OSBPL3: variants seen among roughly 807,000 people sequenced by gnomAD.
OSBPL3 encodes the protein oxysterol-binding protein-related protein 3.
A neutral mutation model predicts 120.1 loss-of-function variants in OSBPL3; 65 were observed. The observed-to-expected ratio is 0.54, with a 90% CI of 0.44 to 0.67. OSBPL3 has a LOEUF of 0.67. OSBPL3 is among the 30% of genes least tolerant of loss of function. OSBPL3 has a pLI of 0.00. For missense variants in OSBPL3, 1,004 were observed against 1,082.1 expected (o/e 0.93, Z 1.01); for synonymous variants, 416 against 402.6 (o/e 1.03, Z -0.40).
At chr7:24,861,506 G>T in intron 10 of OSBPL3, 107 bp downstream of exon 10, 1 of 669,948 alleles carries the variant, frequency 1.5e-6, no homozygotes, top group Non-Finnish European at 2.4e-6. Context: ...AATCTTAATA[G>T]AGCAGAAAAT....
chr7:24,916,393 CT>C lies in OSBPL3; in HGVS notation c.-149-23773del, dbSNP rs1440669383. Among the ~76,000 whole-genome samples, 5 of 151,958 alleles carry C rather than the reference CT, an allele frequency of 3.3e-5. No homozygotes were observed. The highest frequency in any genetic ancestry group is 5.9e-5 in the Non-Finnish European group (4 of 67,982). ...TAACATTTGTTATCTTCCGCTTGAG[CT>C]TTTTTGGGTAATATTTTACTTTCTC... On this transcript the variant is annotated intron_variant, in intron 1 of 22. Transcript: ENST00000313367. This position sits in a 1 kb window ranked among gnomAD's most constrained non-coding sequence, Gnocchi z 4.9.
chr7:24,928,332 T>C (rs547694422), intron 1 of OSBPL3, among the ~76,000 whole-genome samples: 54 of 151,970 alleles, frequency 3.6e-4, no homozygotes, highest in South Asian at 2.3e-3. Context: ...GCTGGGACTA[T>C]AGGCGCCCGC....
In OSBPL3 at chr7:24,819,008, A is replaced by C. The variant is rs1794797232; in HGVS notation, c.1948+1167T>G. Among the ~76,000 whole-genome samples, 1 of 152,156 alleles carries C rather than the reference A, an allele frequency of 6.6e-6. No homozygotes were observed. Among genetic ancestry groups the C allele is most frequent in the Admixed American group, 6.5e-5 (1 of 15,272 alleles). On this transcript the variant is annotated intron_variant, in intron 17 of 22. Coordinates refer to ENST00000313367, the MANE Select transcript of OSBPL3 (RefSeq NM_015550.4). This position sits in a 1 kb window ranked among gnomAD's most constrained non-coding sequence, Gnocchi z 4.1. ...AGTGGCTCATGCCTGTAATCCCAGC[A>C]TTTTGGGAGGCCGAGGCAGGCGGAT...
chr7:24,887,601 G>A (rs956474162), intron 2 of OSBPL3, among the ~76,000 whole-genome samples: 1 of 152,178 alleles, frequency 6.6e-6, no homozygotes. Context: ...GGAGAACTGA[G>A]ACAACCTACA....
At chr7:24,917,818 T>C (rs376979162) in intron 1 of OSBPL3, 1 of 152,142 alleles carries the variant, frequency 6.6e-6, no homozygotes, top group Admixed American at 6.6e-5. Context: ...ATGTAACATA[T>C]GTTGGCACAT....
chr7:24,832,237 C>G (rs1796465106), intron 15 of OSBPL3, among the ~76,000 whole-genome samples: 1 of 142,438 alleles, frequency 7.0e-6, no homozygotes, highest in Non-Finnish European at 1.5e-5. Context: ...AAGGGCCAGG[C>G]ACGGTAGCTC....
At chr7:24,893,750 G>C (rs907500088) in intron 1 of OSBPL3, among the ~76,000 whole-genome samples, 2 of 151,676 alleles carry the variant, frequency 1.3e-5, no homozygotes, top group Non-Finnish European at 2.9e-5. Flanking sequence ...CGGCGGGGCG[G>C]GGGGGACGGG....
Position 24,820,331 on chromosome 7 carries a change from C to T in OSBPL3, c.1885-93G>A, listed in dbSNP as rs1232055949. On this transcript the variant is annotated intron_variant, in intron 16 of 22. Coordinates refer to ENST00000313367, the MANE Select transcript of OSBPL3 (RefSeq NM_015550.4). This position sits in a 1 kb window ranked among gnomAD's most constrained non-coding sequence, Gnocchi z 4.6. Reference sequence around the variant, plus strand: ...TCTCCCCTGCACTGAGATGTAACAGCGTGCAATGCTGAACTGAAGGAAAAA... The same window carrying T: ...TCTCCCCTGCACTGAGATGTAACAGTGTGCAATGCTGAACTGAAGGAAAAA... 11 of 920,934 alleles carry T rather than the reference C, an allele frequency of 1.2e-5. No homozygotes were observed. Among genetic ancestry groups the T allele is most frequent in the African/African-American group, 3.3e-5 (2 of 60,270 alleles). The allele number at this position is 920,934 out of a possible 1,614,324, so 57.0% of individuals were successfully genotyped here.
Position 24,933,357 on chromosome 7 carries a change from C to G in OSBPL3, c.-149-40736G>C, listed in dbSNP as rs1175686317. ...CCATGAAGGTAAAAAGCAACCTTGC[C>G]AACATACACCCTTTAGAACATTTTC... On this transcript the variant is annotated intron_variant, in intron 1 of 22. Coordinates refer to ENST00000313367, the MANE Select transcript of OSBPL3 (RefSeq NM_015550.4). The surrounding 1 kb of genome is among the most constrained non-coding windows in gnomAD (Gnocchi z 5.1). 6.6e-6 allele frequency among the ~76,000 whole-genome samples: 1 copy of G among 152,098 alleles called. No homozygotes were observed. Among genetic ancestry groups the G allele is most frequent in the Non-Finnish European group, 1.5e-5 (1 of 68,012 alleles).
Position 24,804,565 on chromosome 7 carries a change from C to A in OSBPL3, c.2445-128G>T. ...CTCTCCTATACGTAAGACCCCGCCC[C>A]AACCGTTTAATCCGTATCTTGAAGT... On this transcript the variant is annotated intron_variant, in intron 21 of 22. Coordinates refer to ENST00000313367, the MANE Select transcript of OSBPL3 (RefSeq NM_015550.4). This position sits in a 1 kb window ranked among gnomAD's most constrained non-coding sequence, Gnocchi z 5.4. The A allele has an allele frequency of 1.3e-6, 1 of 770,764 alleles. No homozygotes were observed. The allele number at this position is 770,764 out of a possible 1,614,324, so 47.7% of individuals were successfully genotyped here.
rs1381641747 is a variant in OSBPL3, at chr7:24,940,289, CAGA to C, written c.-150+39594_-150+39596del. Among the ~76,000 whole-genome samples the C allele has an allele frequency of 1.3e-5, 2 of 152,092 alleles. No homozygotes were observed. The highest frequency in any genetic ancestry group is 4.8e-5 in the African/African-American group (2 of 41,392). On this transcript the variant is annotated intron_variant, in intron 1 of 22. Transcript: ENST00000313367. The surrounding 1 kb of genome is among the most constrained non-coding windows in gnomAD (Gnocchi z 4.4). Reference sequence around the variant, plus strand: ...CAGAGTGGTAAACTGAGTACAAAGACAGAAGAAGTGGACTGTTGTGTTGAAACA... The same window carrying C: ...CAGAGTGGTAAACTGAGTACAAAGACAGAAGTGGACTGTTGTGTTGAAACA...
chr7:24,842,147 C>T (rs1337981616), intron 13 of OSBPL3, 132 bp downstream of exon 13: 3 of 904,302 alleles, frequency 3.3e-6, no homozygotes, highest in African/African-American at 3.4e-5. Flanking sequence ...TATGGGAGAA[C>T]TCTCAGAACA....
chr7:24,816,349 G>A (rs1476437740), intron 18 of OSBPL3, among the ~76,000 whole-genome samples: 1 of 152,124 alleles, frequency 6.6e-6, no homozygotes, highest in East Asian at 1.9e-4. Context: ...TCTTAATCTT[G>A]TTAGGAAGTG....
rs530090971 is a variant in OSBPL3, at chr7:24,803,758, G to A, written c.2567+557C>T. Among the ~76,000 whole-genome samples the A allele has an allele frequency of 4.0e-5, 6 of 151,752 alleles. No individual in the cohort carries two copies. The highest frequency in any genetic ancestry group is 3.9e-4 in the East Asian group (2 of 5,170). On this transcript the variant is annotated intron_variant, in intron 22 of 22. Transcript: ENST00000313367. The surrounding 1 kb of genome is among the most constrained non-coding windows in gnomAD (Gnocchi z 4.2). Reference sequence around the variant, plus strand: ...TGCACTCCAGCCTGGGTGACAGAGCGAGACTCTGTATCAGAAAAAAAAAAA... The same window carrying A: ...TGCACTCCAGCCTGGGTGACAGAGCAAGACTCTGTATCAGAAAAAAAAAAA...
In OSBPL3 at chr7:24,834,315, T is replaced by A. The variant is rs767536586; in HGVS notation, c.1746+171A>T. ...CGTCTCCAAATCCTCACAAGGTGAC[T>A]GGAAACAGCCAGGCGGAGGAAGCCA... On this transcript the variant is annotated intron_variant, in intron 15 of 22. Transcript: ENST00000313367. The surrounding 1 kb of genome is among the most constrained non-coding windows in gnomAD (Gnocchi z 5.2). The A allele has an allele frequency of 2.7e-6, 4 of 1,457,378 alleles. No individual in the cohort carries two copies. The allele number at this position is 1,457,378 out of a possible 1,614,324, so 90.3% of individuals were successfully genotyped here. A position where few individuals can be genotyped will look rare whatever the true frequency, so the allele number is the denominator to read the frequency against.
Position 24,964,058 on chromosome 7 carries a change from AAATT to A in OSBPL3, c.-150+15824_-150+15827del, listed in dbSNP as rs1816102487. On this transcript the variant is annotated intron_variant, in intron 1 of 22. Coordinates refer to ENST00000313367, the MANE Select transcript of OSBPL3 (RefSeq NM_015550.4). This position sits in a 1 kb window ranked among gnomAD's most constrained non-coding sequence, Gnocchi z 4.2. Reference sequence around the variant, plus strand: ...TTCAGAAACAAAATAAAGTACTACTAAATTATAATCCAAAGTATATAATAAATAT... The same window carrying A: ...TTCAGAAACAAAATAAAGTACTACTAATAATCCAAAGTATATAATAAATAT... Among the ~76,000 whole-genome samples, 2 of 152,254 alleles carry A rather than the reference AAATT, an allele frequency of 1.3e-5. No individual in the cohort carries two copies. Among genetic ancestry groups the A allele is most frequent in the African/African-American group, 4.8e-5 (2 of 41,474 alleles).
chr7:24,797,460 A>C lies in OSBPL3; in HGVS notation c.*2723T>G, dbSNP rs989574574. The C allele has an allele frequency of 1.3e-5, 2 of 152,114 alleles. No individual in the cohort carries two copies. Among genetic ancestry groups the C allele is most frequent in the African/African-American group, 4.8e-5 (2 of 41,406 alleles). The allele number at this position is 152,114 out of a possible 1,614,324, so 9.4% of individuals were successfully genotyped here. On this transcript the variant is annotated 3_prime_UTR_variant, in exon 23 of 23. Transcript: ENST00000313367. This position sits in a 1 kb window ranked among gnomAD's most constrained non-coding sequence, Gnocchi z 4.8. ...GAATCCACCTGGCTTGTAGGAGAGGAACTACATGGAGAAGCTGCATTGAGG... is the reference window on the plus strand; with the variant it reads ...GAATCCACCTGGCTTGTAGGAGAGGCACTACATGGAGAAGCTGCATTGAGG...
In OSBPL3 at chr7:24,961,881, C is replaced by T. The variant is rs925207614; in HGVS notation, c.-150+18005G>A. 8.5e-5 allele frequency among the ~76,000 whole-genome samples: 13 copies of T among 152,272 alleles called. No homozygotes were observed. The South Asian group carries it at 2.7e-3, about 32-fold the overall frequency. ...AAATAAACAAATGCATGGATAGCAT[C>T]GAGCTGGCCATTTACTCATTCATCA... is the stretch of plus-strand genomic sequence containing the variant. On this transcript the variant is annotated intron_variant, in intron 1 of 22. Coordinates refer to ENST00000313367, the MANE Select transcript of OSBPL3 (RefSeq NM_015550.4).
intron 1 of OSBPL3, among the ~76,000 whole-genome samples, chr7:24,944,147 T>C (rs1420598303): frequency 6.6e-6 from 1 of 151,990 alleles, no homozygotes; most frequent in African/African-American, 2.4e-5. Flanking sequence ...AAAGTTATCT[T>C]GACTTGAAGA....
Sources: gnomAD v4.1 joint callset for allele counts (sites outside exome capture counted in the v4.1 genomes callset) on GRCh38, gnomAD v4.1.1 for gene constraint, Gnocchi (gnomAD v3.1) non-coding constraint, MANE v1.5 for transcripts, NCBI Gene and HGNC (gene_info 2026-07-23, HGNC 2026-07-21) for gene names.